Variants in TYW5 observed in about 807,000 individuals in gnomAD.
The protein encoded by TYW5 is tRNA wybutosine-synthesizing protein 5.
TYW5 carries 36 observed loss-of-function variants against 44.4 expected under a neutral mutation model. The observed-to-expected ratio is 0.81, with a 90% confidence interval of 0.62 to 1.07. The LOEUF (loss-of-function observed/expected upper bound fraction) is 1.07, where lower values mean the gene tolerates loss of function less well. Among genes scored for constraint, TYW5 ranks in the 50% least tolerant of loss-of-function variants. The pLI is 0.00. For missense variants in TYW5, 354 were observed against 365.7 expected (o/e 0.97, Z 0.26); for synonymous variants, 121 against 128.1 (o/e 0.94, Z 0.37).
At chr2:199,943,234 A>G (rs1262948625) in intron 3 of TYW5, 1 of 152,292 alleles carries the variant, frequency 6.6e-6, no homozygotes, top group African/African-American at 2.4e-5. Context: ...TGAATTATTT[A>G]AAGCTAGACT....
chr2:199,955,462 C>T lies in TYW5; in HGVS notation c.9G>A (p.Gly3=), dbSNP rs775492128. Residue 3 remains glycine, a synonymous_variant, in exon 1 of 8, where the codon GGG becomes GGA. Coordinates refer to ENST00000354611, the MANE Select transcript of TYW5 (RefSeq NM_001039693.3). MA[G]QHLPVPRLEG... The stretch of plus-strand genomic sequence containing the variant: ...CCAGCCGGGGTACCGGGAGGTGCTG[C>T]CCGGCCATGGTTGCTCACGCCTGCC... The T allele has an allele frequency of 2.9e-5, 46 of 1,613,592 alleles. No individual in the cohort carries two copies. In the Middle Eastern group the frequency reaches 4.9e-4, roughly 17 times the overall value.
chr2:199,938,152 C>T (rs2077436100), intron 5 of TYW5, among the ~76,000 whole-genome samples: 1 of 151,734 alleles, frequency 6.6e-6, no homozygotes, highest in East Asian at 1.9e-4. Context: ...GCAAGCTCTG[C>T]CTCCTGGATT....
intron 1 of TYW5, among the ~76,000 whole-genome samples, chr2:199,948,931 ATT>A: frequency 6.6e-6 from 1 of 152,298 alleles, no homozygotes; most frequent in African/African-American, 2.4e-5. Flanking sequence ...ATTAAGCATA[ATT>A]TTGTTTTTTG....
chr2:199,955,115 G>A (rs1420137223), intron 1 of TYW5, among the ~76,000 whole-genome samples: 1 of 152,136 alleles, frequency 6.6e-6, no homozygotes, highest in Admixed American at 6.5e-5. Context: ...TGACAGATGC[G>A]GAGTAAAGAG....
chr2:199,950,088 G>A (rs2077533414), intron 1 of TYW5, among the ~76,000 whole-genome samples: 1 of 152,102 alleles, frequency 6.6e-6, no homozygotes, highest in Admixed American at 6.6e-5. Context: ...AGTGGACACA[G>A]TTAGGATATA....
At chr2:199,953,391 A>G (rs1424324422) in intron 1 of TYW5, among the ~76,000 whole-genome samples, 1 of 152,190 alleles carries the variant, frequency 6.6e-6, no homozygotes, top group Non-Finnish European at 1.5e-5. Flanking sequence ...TACCACTCTA[A>G]TGAGGGGATG....
At chr2:199,935,355 C>A (rs2077410426) in intron 7 of TYW5, among the ~76,000 whole-genome samples, 1 of 151,712 alleles carries the variant, frequency 6.6e-6, no homozygotes, top group Non-Finnish European at 1.5e-5. Context: ...GAGACAGGGT[C>A]TTACTCTGTT....
intron 3 of TYW5, among the ~76,000 whole-genome samples, chr2:199,940,713 C>G (rs1360207527): frequency 6.6e-6 from 1 of 151,872 alleles, no homozygotes; most frequent in Non-Finnish European, 1.5e-5. Context: ...ATGATAGTGA[C>G]TGGATCCATA....
At chr2:199,943,376 A>G (rs2077480280) in intron 3 of TYW5, 1 of 159,744 alleles carries the variant, frequency 6.3e-6, no homozygotes, top group Admixed American at 6.3e-5. Context: ...GAAGTTTTCC[A>G]TTAGCATTTG....
chr2:199,955,325 GCTGT>G (rs1182808906), intron 1 of TYW5, 64 bp downstream of exon 1: 2 of 1,554,596 alleles, frequency 1.3e-6, no homozygotes, highest in African/African-American at 2.7e-5. Context: ...CCAGTTCCCA[GCTGT>G]CCGAAAGGTA....
chr2:199,947,515 T>C (rs2077512160), intron 2 of TYW5: 1 of 152,202 alleles, frequency 6.6e-6, no homozygotes, highest in African/African-American at 2.4e-5. Flanking sequence ...AAGACTATTT[T>C]ATCAAAAGGG....
intron 7 of TYW5, among the ~76,000 whole-genome samples, chr2:199,935,012 T>C (rs985087109): frequency 6.6e-6 from 1 of 151,998 alleles, no homozygotes; most frequent in African/African-American, 2.4e-5. Flanking sequence ...TATCATTTTT[T>C]TTTGGTAAAT....
In TYW5 at chr2:199,930,801, C is replaced by T. The variant is rs574610651; in HGVS notation, c.*2266G>A. On this transcript the variant is annotated 3_prime_UTR_variant, in exon 8 of 8. Coordinates refer to ENST00000354611, the MANE Select transcript of TYW5 (RefSeq NM_001039693.3). ...GAGAATTACTGGTCACAACGAATCC[C>T]GGTTTCTATCACCCATAGCTATGTG... is the stretch of plus-strand genomic sequence containing the variant. 1.3e-5 allele frequency: 2 copies of T among 152,156 alleles called. No individual in the cohort carries two copies. Among genetic ancestry groups the T allele is most frequent in the Admixed American group, 6.5e-5 (1 of 15,276 alleles). The allele number at this position is 152,156 out of a possible 1,614,324, so 9.4% of individuals were successfully genotyped here. A position where few individuals can be genotyped will look rare whatever the true frequency, so the allele number is the denominator to read the frequency against.
chr2:199,947,108 T>A (rs1197739382), intron 2 of TYW5: 1 of 152,218 alleles, frequency 6.6e-6, no homozygotes, highest in African/African-American at 2.4e-5. Context: ...GGACTATTAA[T>A]AACTAAAACC....
At chr2:199,949,119 A>T (rs1471193216) in intron 1 of TYW5, among the ~76,000 whole-genome samples, 1 of 152,096 alleles carries the variant, frequency 6.6e-6, no homozygotes, top group African/African-American at 2.4e-5. Context: ...ACACTTTGGG[A>T]GGCCAAGGGT....
At chr2:199,946,223 T>C (rs2077502836) in intron 2 of TYW5, 2 of 152,302 alleles carry the variant, frequency 1.3e-5, no homozygotes, top group East Asian at 3.9e-4. Flanking sequence ...GTAGCTGATA[T>C]ATAATAAGTA....
chr2:199,954,407 G>C (rs1020318013), intron 1 of TYW5, among the ~76,000 whole-genome samples: 3 of 151,820 alleles, frequency 2.0e-5, no homozygotes, highest in African/African-American at 7.3e-5. Flanking sequence ...CAGCCCATCC[G>C]ACTTTTGTAA....
At chr2:199,952,784 T>C (rs1453177456) in intron 1 of TYW5, among the ~76,000 whole-genome samples, 1 of 152,216 alleles carries the variant, frequency 6.6e-6, no homozygotes, top group Non-Finnish European at 1.5e-5. Flanking sequence ...GTAGCTTCAT[T>C]TTGTTTTGTA....
rs2105696659 is a variant in TYW5, at chr2:199,939,011, T to C, written c.408A>G (p.Glu136=). The C allele has an allele frequency of 6.2e-7, 1 of 1,613,698 alleles. No homozygotes were observed. The highest frequency in any genetic ancestry group is 1.1e-5 in the South Asian group (1 of 91,024). Reference sequence around the variant, plus strand: ...AAAAGAACTGTTCCTCTTTGAAGAATTCTGGAAACTTAATATCTCCTTTCA... The same window carrying C: ...AAAAGAACTGTTCCTCTTTGAAGAACTCTGGAAACTTAATATCTCCTTTCA... ...PLLKGDIKFP[E]FFKEEQFFSS... is the part of the protein sequence containing the mutation. The change falls in exon 5 of 8, where the codon GAA becomes GAG. Residue 136 remains glutamate, a synonymous_variant. Transcript: ENST00000354611.
Sources: allele counts gnomAD v4.1 joint callset (sites outside exome capture counted in the v4.1 genomes callset), GRCh38; gene constraint gnomAD v4.1.1; transcripts MANE v1.5; gene names NCBI Gene and HGNC (gene_info 2026-07-23, HGNC 2026-07-21).